HHAT: variants seen among roughly 807,000 people sequenced by gnomAD.
HHAT encodes protein-cysteine N-palmitoyltransferase HHAT.
HHAT carries 47 observed loss-of-function variants against 70.8 expected under a neutral mutation model. That is an observed-to-expected ratio of 0.66 (90% CI 0.53 to 0.85). The LOEUF (loss-of-function observed/expected upper bound fraction) is 0.85. Among genes scored for constraint, HHAT ranks in the 40% least tolerant of loss-of-function variants. The probability of loss-of-function intolerance (pLI) is 0.00; values close to 1 mark genes in which losing one functional copy is unlikely to be tolerated. For missense variants in HHAT, 609 were observed against 604.8 expected (o/e 1.01, Z -0.07); for synonymous variants, 228 against 247.6 (o/e 0.92, Z 0.74).
chr1:210,434,778 C>T (rs2093336748), intron 7 of HHAT, among the ~76,000 whole-genome samples: 1 of 151,738 alleles, frequency 6.6e-6, no homozygotes, highest in Non-Finnish European at 1.5e-5. Flanking sequence ...CTAAAATTTA[C>T]ATGTAAATGC....
chr1:210,407,391 G>A (rs1464582032), intron 6 of HHAT, among the ~76,000 whole-genome samples: 2 of 152,220 alleles, frequency 1.3e-5, no homozygotes, highest in Non-Finnish European at 1.5e-5. Context: ...GGAGAATGAC[G>A]CTGCACCACC....
chr1:210,534,435 T>C (rs2095348918), intron 9 of HHAT, among the ~76,000 whole-genome samples: 1 of 152,220 alleles, frequency 6.6e-6, no homozygotes, highest in South Asian at 2.1e-4. Context: ...CTTTTTTTTA[T>C]ATAACAATCC....
chr1:210,489,356 A>G (rs1246654663), intron 8 of HHAT, among the ~76,000 whole-genome samples: 1 of 152,222 alleles, frequency 6.6e-6, no homozygotes, highest in Non-Finnish European at 1.5e-5. Context: ...GGGATTCTTC[A>G]GGAGGAGTGA....
intron 1 of HHAT, among the ~76,000 whole-genome samples, chr1:210,337,858 T>C (rs898255703): frequency 7.2e-6 from 1 of 139,784 alleles, no homozygotes; most frequent in African/African-American, 2.7e-5. Flanking sequence ...GGATCTATTT[T>C]GTCTTCACAA....
chr1:210,632,453 G>A (rs1016979514), intron 11 of HHAT, among the ~76,000 whole-genome samples: 1 of 152,210 alleles, frequency 6.6e-6, no homozygotes, highest in Non-Finnish European at 1.5e-5. Flanking sequence ...GACCAGGTGT[G>A]ATGTTTACAT....
At chr1:210,414,887 A>G (rs1428099816) in intron 6 of HHAT, among the ~76,000 whole-genome samples, 1 of 152,072 alleles carries the variant, frequency 6.6e-6, no homozygotes, top group East Asian at 1.9e-4. Flanking sequence ...GTGTGGTGGT[A>G]CATGCCTGTA....
chr1:210,330,343 A>G (rs1189408203), intron 1 of HHAT, among the ~76,000 whole-genome samples: 3 of 152,194 alleles, frequency 2.0e-5, no homozygotes, highest in African/African-American at 4.8e-5. Context: ...CTTTAGATAC[A>G]TTATTTCTAA....
intron 7 of HHAT, among the ~76,000 whole-genome samples, chr1:210,449,950 C>A (rs373339216): frequency 1.2e-4 from 18 of 152,104 alleles, no homozygotes; most frequent in Non-Finnish European, 1.0e-4. Flanking sequence ...ATCCACAGTT[C>A]TGGAATTCGG....
intron 1 of HHAT, among the ~76,000 whole-genome samples, chr1:210,330,459 G>A (rs2084891076): frequency 6.6e-6 from 1 of 152,332 alleles, no homozygotes; most frequent in Non-Finnish European, 1.5e-5. Flanking sequence ...TGTCAGGGCC[G>A]GGTTTTGGAC....
Position 210,674,386 on chromosome 1 carries a change from TG to T in HHAT, c.*10del. The T allele has an allele frequency of 1.2e-6, 2 of 1,612,096 alleles. No homozygotes were observed. Among genetic ancestry groups the T allele is most frequent in the Non-Finnish European group, 1.7e-6 (2 of 1,178,228 alleles). The stretch of plus-strand genomic sequence containing the variant: ...GACCTACGCCACGGACTAATGCTGT[TG>T]GGCCCAGGCCAGTCCTTGTTGCTGG... On this transcript the variant is annotated 3_prime_UTR_variant, in exon 12 of 12. Coordinates refer to ENST00000261458, the MANE Select transcript of HHAT (RefSeq NM_018194.6).
intron 9 of HHAT, among the ~76,000 whole-genome samples, chr1:210,553,401 G>A (rs2095544693): frequency 6.6e-6 from 1 of 152,212 alleles, no homozygotes; most frequent in Non-Finnish European, 1.5e-5. Flanking sequence ...AGATGGAGGG[G>A]AGGACATTCT....
intron 11 of HHAT, among the ~76,000 whole-genome samples, chr1:210,664,278 T>C (rs1209076581): frequency 6.6e-6 from 1 of 152,232 alleles, no homozygotes; most frequent in Non-Finnish European, 1.5e-5. Flanking sequence ...AATGACTCCA[T>C]GATATCTCCA....
intron 9 of HHAT, among the ~76,000 whole-genome samples, chr1:210,519,834 T>C (rs1333981604): frequency 1.3e-5 from 2 of 151,072 alleles, no homozygotes; most frequent in Non-Finnish European, 3.0e-5. Flanking sequence ...GGCTTTTTTT[T>C]TTTTTTTTGT....
intron 2 of HHAT, among the ~76,000 whole-genome samples, chr1:210,351,908 A>C (rs996281368): frequency 7.2e-5 from 11 of 152,110 alleles, no homozygotes; most frequent in Admixed American, 5.9e-4. Flanking sequence ...GAAAGACTGC[A>C]CCTTTTTACA....
chr1:210,491,053 C>A (rs2094542841), intron 8 of HHAT, among the ~76,000 whole-genome samples: 1 of 104,434 alleles, frequency 9.6e-6, no homozygotes, highest in African/African-American at 4.0e-5. Flanking sequence ...GTGAGACACA[C>A]ACACACACAT....
At chr1:210,566,429 TA>T (rs1654761334) in intron 9 of HHAT, among the ~76,000 whole-genome samples, 1 of 152,114 alleles carries the variant, frequency 6.6e-6, no homozygotes, top group South Asian at 2.1e-4. Context: ...CCCATGACCC[TA>T]AATGAGAACA....
At chr1:210,450,548 G>A (rs2093731645) in intron 7 of HHAT, among the ~76,000 whole-genome samples, 3 of 150,590 alleles carry the variant, frequency 2.0e-5, no homozygotes, top group Admixed American at 1.3e-4. Flanking sequence ...CCAGGCTGTA[G>A]TGCAGTGGCA....
chr1:210,654,262 C>T (rs1054511213), intron 11 of HHAT, among the ~76,000 whole-genome samples: 1 of 67,464 alleles, frequency 1.5e-5, no homozygotes, highest in Non-Finnish European at 3.2e-5. Flanking sequence ...CATGCACTGG[C>T]GACCAATAGA....
chr1:210,379,095 C>T (rs374382487), intron 3 of HHAT, among the ~76,000 whole-genome samples: 1 of 152,236 alleles, frequency 6.6e-6, no homozygotes, highest in Admixed American at 6.5e-5. Context: ...CCACTGTACA[C>T]AACATCTGCT....
Sources: gnomAD v4.1 joint callset for allele counts (sites outside exome capture counted in the v4.1 genomes callset) on GRCh38, gnomAD v4.1.1 for gene constraint, MANE v1.5 for transcripts, NCBI Gene and HGNC (gene_info 2026-07-23, HGNC 2026-07-21) for gene names.